Variants in ZNF215 observed in about 807,000 individuals in gnomAD.
ZNF215 encodes BWSCR2-associated zinc finger protein 2.
In ZNF215, 24 loss-of-function variants were observed where a neutral mutation model predicts 27.2. The ratio of observed to expected loss-of-function variants is 0.88; its 90% CI spans 0.64 to 1.24. ZNF215 has a LOEUF of 1.24. Among genes scored for constraint, ZNF215 ranks in the 50% most tolerant of loss-of-function variants. The pLI, the probability that ZNF215 is intolerant of heterozygous loss-of-function variation, is 0.00. For synonymous variants in ZNF215, 210 were observed against 204.0 expected, an observed-to-expected ratio of 1.03 and a Z score of -0.25; for missense variants, 675 against 605.7, an observed-to-expected ratio of 1.11 and a Z score of -1.20.
intron 5 of ZNF215, among the ~76,000 whole-genome samples, chr11:6,978,634 G>A (rs1192041351): frequency 6.6e-6 from 1 of 151,898 alleles, no homozygotes; most frequent in Non-Finnish European, 1.5e-5. Context: ...AAGGTGAATA[G>A]AAGGACAGGT....
intron 2 of ZNF215, among the ~76,000 whole-genome samples, chr11:6,928,260 A>G (rs925192843): frequency 1.2e-4 from 19 of 152,174 alleles, no homozygotes; most frequent in African/African-American, 4.3e-4. Flanking sequence ...TTTATCTATT[A>G]GGCTAAGCAT....
At chr11:6,967,687 G>C (rs957788544) in intron 5 of ZNF215, among the ~76,000 whole-genome samples, 1 of 152,096 alleles carries the variant, frequency 6.6e-6, no homozygotes, top group Non-Finnish European at 1.5e-5. Context: ...CTGGATATTA[G>C]CCCTTTTTCA....
rs370309926 is a variant in ZNF215 at position 6,953,716 on chromosome 11, A to T, written c.713-1974A>T. On this transcript the variant is annotated intron_variant, in intron 6 of 6. Coordinates refer to ENST00000278319, the MANE Select transcript of ZNF215 (RefSeq NM_013250.4). ...TAGCTTGAAGTAGTTTGATCATCTG[A>T]AGCCTTCTTCTCTCAACTCGTCAAA... Among the ~76,000 whole-genome samples, 124 of 152,326 alleles carry T rather than the reference A, an allele frequency of 8.1e-4. 2 individuals are homozygous for T. In the South Asian group the frequency reaches 0.025, roughly 31 times the overall value.
In ZNF215 at chr11:6,956,168, T is replaced by C; in HGVS notation, c.1191T>C (p.His397=). The change falls in exon 7 of 7, where the codon CAT becomes CAC. Residue 397 remains histidine, a synonymous_variant. Coordinates refer to ENST00000278319, the MANE Select transcript of ZNF215 (RefSeq NM_013250.4). ...GCCGAAGTTCATCCCTTATTCGACA[T>C]CAGATCATTCACACAGGAGAGAAAC... ...AFCRSSSLIR[H]QIIHTGEKPY... 1.2e-6 allele frequency: 2 copies of C among 1,613,662 alleles called. No individual in the cohort carries two copies. Among genetic ancestry groups the C allele is most frequent in the Non-Finnish European group, 1.7e-6 (2 of 1,179,944 alleles).
downstream of ZNF215, among the ~76,000 whole-genome samples, chr11:6,961,132 C>T (rs938110936): frequency 1.3e-5 from 2 of 152,096 alleles, no homozygotes; most frequent in Admixed American, 6.6e-5. Flanking sequence ...ATGTAACTTA[C>T]ATTTGGTCCA....
intron 5 of ZNF215, among the ~76,000 whole-genome samples, chr11:6,972,809 T>C (rs923364818): frequency 6.6e-6 from 1 of 152,222 alleles, no homozygotes; most frequent in Non-Finnish European, 1.5e-5. Context: ...TGAACTATAA[T>C]TGTAGGGCTC....
chr11:6,946,173 A>T (rs1024181023), intron 6 of ZNF215, among the ~76,000 whole-genome samples: 1 of 152,126 alleles, frequency 6.6e-6, no homozygotes, highest in Non-Finnish European at 1.5e-5. Context: ...AGGTACCATC[A>T]TCTCTCACCT....
At chr11:6,964,970 C>T (rs1850589969) in intron 5 of ZNF215, among the ~76,000 whole-genome samples, 1 of 152,036 alleles carries the variant, frequency 6.6e-6, no homozygotes, top group Non-Finnish European at 1.5e-5. Flanking sequence ...TGCATTACAT[C>T]ATAGTGAATA....
intron 6 of ZNF215, among the ~76,000 whole-genome samples, chr11:6,954,626 G>T (rs1284425421): frequency 6.6e-6 from 1 of 152,198 alleles, no homozygotes; most frequent in African/African-American, 2.4e-5. Flanking sequence ...GATTTTCCAG[G>T]TGCCATCTGT....
chr11:6,990,340 A>G (rs925235860), downstream of ZNF215, among the ~76,000 whole-genome samples: 11 of 152,234 alleles, frequency 7.2e-5, no homozygotes, highest in Admixed American at 4.6e-4. Flanking sequence ...TCACAAAAAA[A>G]TGTTGAAAAA....
intron 5 of ZNF215, among the ~76,000 whole-genome samples, chr11:6,979,321 A>G (rs1429592529): frequency 2.9e-5 from 1 of 34,148 alleles, no homozygotes; most frequent in Non-Finnish European, 5.7e-5. Flanking sequence ...TGCTTATTGA[A>G]TAACACAGTA....
At chr11:6,981,443 T>A (rs1363377303) in intron 5 of ZNF215, among the ~76,000 whole-genome samples, 1 of 152,140 alleles carries the variant, frequency 6.6e-6, no homozygotes, top group Non-Finnish European at 1.5e-5. Flanking sequence ...CTTCGCCCAC[T>A]TTTTGATGGG....
At chr11:6,981,567 C>G (rs1050969486) in intron 5 of ZNF215, among the ~76,000 whole-genome samples, 1 of 152,124 alleles carries the variant, frequency 6.6e-6, no homozygotes. Flanking sequence ...GTTGCCTGTT[C>G]ACTCTGATGG....
intron 5 of ZNF215, among the ~76,000 whole-genome samples, chr11:6,980,574 GA>G (rs911129017): frequency 2.0e-5 from 3 of 151,586 alleles, no homozygotes; most frequent in African/African-American, 7.3e-5. Context: ...CCAGTCATTT[GA>G]AAAATGAAAT....
At chr11:6,944,196 A>T (rs1341107670) in intron 6 of ZNF215, among the ~76,000 whole-genome samples, 1 of 152,096 alleles carries the variant, frequency 6.6e-6, no homozygotes, top group Non-Finnish European at 1.5e-5. Context: ...GAATGGCGTG[A>T]ACCCGGGAGG....
At chr11:6,962,580 A>T (rs1671155695), downstream of ZNF215, among the ~76,000 whole-genome samples, 1 of 152,032 alleles carries the variant, frequency 6.6e-6, no homozygotes, top group South Asian at 2.1e-4. Flanking sequence ...GTGGAAGTGT[A>T]TTTTTTAAGT....
At chr11:6,972,501 A>T (rs1369334722) in intron 5 of ZNF215, among the ~76,000 whole-genome samples, 6 of 152,052 alleles carry the variant, frequency 3.9e-5, no homozygotes, top group African/African-American at 1.4e-4. Context: ...TTGAATAACT[A>T]CAAATACTGT....
rs748695663 is a variant in ZNF215, at chr11:6,932,235, G to A, written c.-38G>A. ...CCTGAGAATTACTGCAATCTAGTAA[G>A]GCGGATTTGAACTACTGTGGGAGTT... is the stretch of plus-strand genomic sequence containing the variant. On this transcript the variant is annotated 5_prime_UTR_variant, in exon 3 of 7. Transcript: ENST00000278319. 1.9e-6 allele frequency: 3 copies of A among 1,591,300 alleles called. No homozygotes were observed. In the South Asian group the frequency reaches 3.5e-5, roughly 18 times the overall value.
intron 5 of ZNF215, among the ~76,000 whole-genome samples, chr11:6,969,161 A>G (rs928520672): frequency 3.9e-5 from 6 of 152,162 alleles, no homozygotes; most frequent in African/African-American, 1.4e-4. Context: ...CCATGTCCTT[A>G]TGCTTTTAAG....
Sources: allele counts gnomAD v4.1 joint callset (sites outside exome capture counted in the v4.1 genomes callset), GRCh38; gene constraint gnomAD v4.1.1; transcripts MANE v1.5; gene names NCBI Gene and HGNC (gene_info 2026-07-23, HGNC 2026-07-21).